The following SFXN3 variants were observed in gnomAD, a reference collection of about 807,000 sequenced individuals.
SFXN3 encodes sideroflexin-3.
SFXN3 carries 31 observed loss-of-function variants against 40.4 expected under a neutral mutation model. The ratio of observed to expected loss-of-function variants is 0.77; its 90% CI spans 0.58 to 1.04. The LOEUF (loss-of-function observed/expected upper bound fraction) is 1.04, where lower values mean the gene tolerates loss of function less well. SFXN3 is among the 50% of genes least tolerant of loss of function. SFXN3 has a pLI of 0.00. For missense variants in SFXN3, 366 were observed against 408.2 expected (o/e 0.90, Z 0.89); for synonymous variants, 157 against 160.0 (o/e 0.98, Z 0.14).
intron 3 of SFXN3, 68 bp downstream of exon 3, chr10:101,034,923 G>C (rs1214496808): frequency 1.2e-5 from 18 of 1,552,324 alleles, no homozygotes; most frequent in Non-Finnish European, 1.5e-5. Context: ...AATATGTTTT[G>C]TACCTGCCTC....
chr10:101,036,402 T>C lies in SFXN3; in HGVS notation c.432-84T>C. On this transcript the variant is annotated intron_variant, in intron 5 of 11. Coordinates refer to ENST00000393459, the Ensembl canonical transcript of SFXN3. This position sits in a 1 kb window ranked among gnomAD's most constrained non-coding sequence, Gnocchi z 4.2. ...AGCTTCCCCTTTTATGCCTCATGTA[T>C]TGAGGACTTGGCATATCCCTAAAGG... 1.5e-6 allele frequency: 2 copies of C among 1,298,892 alleles called. No individual in the cohort carries two copies. Among genetic ancestry groups the C allele is most frequent in the African/African-American group, 1.5e-5 (1 of 68,658 alleles). 80.5% of individuals were successfully genotyped at this position (1,298,892 alleles called of 1,614,324 possible).
Position 101,036,385 on chromosome 10 carries a change from C to T in SFXN3, c.432-101C>T. On this transcript the variant is annotated intron_variant, in intron 5 of 11. Transcript: ENST00000393459. The surrounding 1 kb of genome is among the most constrained non-coding windows in gnomAD (Gnocchi z 4.2). ...AGGCTTCTTCTGCAAGGAGCTTCCC[C>T]TTTTATGCCTCATGTATTGAGGACT... is the stretch of plus-strand genomic sequence containing the variant. The T allele has an allele frequency of 8.6e-7, 1 of 1,157,768 alleles. No individual in the cohort carries two copies. The highest frequency in any genetic ancestry group is 2.5e-5 in the East Asian group (1 of 40,680). The allele number at this position is 1,157,768 out of a possible 1,614,324, so 71.7% of individuals were successfully genotyped here.
At chr10:101,034,955 G>A in intron 3 of SFXN3, 100 bp downstream of exon 3, 1 of 1,440,946 alleles carries the variant, frequency 6.9e-7, no homozygotes, top group Non-Finnish European at 9.4e-7. Context: ...CAGTGACCCT[G>A]TCCCTCAATC....
chr10:101,037,839 C>T (rs1938695923), intron 9 of SFXN3: 6 of 1,081,534 alleles, frequency 5.5e-6, no homozygotes, highest in Non-Finnish European at 6.7e-6. Flanking sequence ...GGCTCATTCA[C>T]AGAATCATTT....
chr10:101,037,619 G>C (rs1469564817), intron 9 of SFXN3, 188 bp downstream of exon 9: 3 of 1,462,332 alleles, frequency 2.1e-6, no homozygotes, highest in African/African-American at 2.8e-5. Flanking sequence ...GAACTCTGCA[G>C]GGGCAGGAGG....
chr10:101,037,626 G>A (rs1938686660), intron 9 of SFXN3, 195 bp downstream of exon 9: 2 of 1,455,858 alleles, frequency 1.4e-6, no homozygotes, highest in Non-Finnish European at 1.8e-6. Flanking sequence ...GCAGGGGCAG[G>A]AGGAGAGGAC....
At position 101,039,353 on chromosome 10, in the gene SFXN3, G is replaced by A; in HGVS notation, c.869+131G>A. The A allele has an allele frequency of 8.4e-7, 1 of 1,185,410 alleles. No individual in the cohort carries two copies. The highest frequency in any genetic ancestry group is 1.2e-6 in the Non-Finnish European group (1 of 802,142). The allele number at this position is 1,185,410 out of a possible 1,614,324, so 73.4% of individuals were successfully genotyped here. On this transcript the variant is annotated intron_variant, in intron 11 of 11. Transcript: ENST00000393459. This position sits in a 1 kb window ranked among gnomAD's most constrained non-coding sequence, Gnocchi z 4.6. ...CACTCCACTGATTCTGGGAGTGGGGGAATGACAGTGAGCCAGTCCTTCTGG... is the reference window on the plus strand; with the variant it reads ...CACTCCACTGATTCTGGGAGTGGGGAAATGACAGTGAGCCAGTCCTTCTGG...
intron 2 of SFXN3, among the ~76,000 whole-genome samples, chr10:101,033,204 T>C (rs964407291): frequency 3.7e-4 from 57 of 152,274 alleles, no homozygotes; most frequent in African/African-American, 1.3e-3. Context: ...GGATGTCTTG[T>C]GCCATTTTCC....
chr10:101,039,793 AC>A lies in SFXN3; in HGVS notation c.*212del, dbSNP rs1938812346. 5.1e-6 allele frequency: 3 copies of A among 593,782 alleles called. No individual in the cohort carries two copies. Among genetic ancestry groups the A allele is most frequent in the Non-Finnish European group, 9.1e-6 (3 of 331,090 alleles). 36.8% of individuals were successfully genotyped at this position (593,782 alleles called of 1,614,324 possible). ...CTGGTTTCAAAGATCAGAGCACATA[AC>A]CCCTCCTGTGCTTGAGTGTCCATGC... On this transcript the variant is annotated 3_prime_UTR_variant, in exon 12 of 12. Transcript: ENST00000393459. The surrounding 1 kb of genome is among the most constrained non-coding windows in gnomAD (Gnocchi z 4.6).
Position 101,037,077 on chromosome 10 carries a change from G to T in SFXN3, c.595G>T (p.Glu199Ter). ...GACCCCAACCCCCCTCCCTTGCAGA[G>T]AGCTGCAGGTGGGCATCCCGGTGGC... Residue 199 changes from glutamate (E) to a stop codon, truncating the protein, a stop_gained and splice_region_variant, in exon 8 of 12, where the codon GAG (glutamate) becomes TAG (stop). Coordinates refer to ENST00000393459, the Ensembl canonical transcript of SFXN3. LOFTEE classifies it high-confidence loss of function. 5 of 1,613,810 alleles carry T rather than the reference G, an allele frequency of 3.1e-6. No individual in the cohort carries two copies. The highest frequency in any genetic ancestry group is 3.4e-6 in the Non-Finnish European group (4 of 1,180,026).
At chr10:101,035,456 C>G (rs1316639794) in intron 3 of SFXN3, 41 bp from the exon 4 acceptor site, 1 of 1,563,908 alleles carries the variant, frequency 6.4e-7, no homozygotes, top group African/African-American at 1.3e-5. Context: ...GGCAGATCTG[C>G]CCCCTGGCAT....
chr10:101,036,317 G>A lies in SFXN3; in HGVS notation c.432-169G>A, dbSNP rs1226154070. On this transcript the variant is annotated intron_variant, in intron 5 of 11. Transcript: ENST00000393459. This position sits in a 1 kb window ranked among gnomAD's most constrained non-coding sequence, Gnocchi z 4.2. ...GGGGACCCACCCCTCTTCACAGGGTGCTACTGGGGCTTCTAGACAAGTTTA... is the reference window on the plus strand; with the variant it reads ...GGGGACCCACCCCTCTTCACAGGGTACTACTGGGGCTTCTAGACAAGTTTA... Among the ~76,000 whole-genome samples the A allele has an allele frequency of 1.3e-5, 2 of 152,236 alleles. No homozygotes were observed. The highest frequency in any genetic ancestry group is 4.8e-5 in the African/African-American group (2 of 41,462).
At chr10:101,033,776 GAGA>G (rs1297818533) in intron 2 of SFXN3, among the ~76,000 whole-genome samples, 2 of 152,120 alleles carry the variant, frequency 1.3e-5, no homozygotes, top group African/African-American at 2.4e-5. Context: ...TGATAATAAG[GAGA>G]AGGTCAGCAA....
At position 101,038,257 on chromosome 10, in the gene SFXN3, G is replaced by A. The variant is rs149974972; in HGVS notation, c.772-386G>A. ...GCCAGAGCAAATTGAGAAGAGTGCC[G>A]AGGAAGAGATGTGCTTGGAAAGGGT... is the stretch of plus-strand genomic sequence containing the variant. On this transcript the variant is annotated intron_variant, in intron 9 of 11. Coordinates refer to ENST00000393459, the Ensembl canonical transcript of SFXN3. 992 of 1,140,306 alleles carry A rather than the reference G, an allele frequency of 8.7e-4. 9 individuals are homozygous for A. The African/African-American group carries it at 0.014, about 16-fold the overall frequency. The allele number at this position is 1,140,306 out of a possible 1,614,324, so 70.6% of individuals were successfully genotyped here. A position where few individuals can be genotyped will look rare whatever the true frequency, so the allele number is the denominator to read the frequency against.
In SFXN3 at chr10:101,036,050, A is replaced by G. The variant is rs745972943; in HGVS notation, c.380A>G (p.Asn127Ser). The change falls in exon 5 of 12, where the codon AAT (asparagine) becomes AGT (serine). Residue 127 changes from asparagine (N) to serine (S), a missense_variant. By Grantham distance (46) the Asn-to-Ser change is conservative. Transcript: ENST00000393459. The surrounding 1 kb of genome is among the most constrained non-coding windows in gnomAD (Gnocchi z 4.2). ...TGGCAGTGGGTGAATCAGTCCTTCA[A>G]TGCCATTGTTAACTACTCCAACCGC... is the stretch of plus-strand genomic sequence containing the variant. 1.9e-6 allele frequency: 3 copies of G among 1,614,036 alleles called. No individual in the cohort carries two copies. Among genetic ancestry groups the G allele is most frequent in the East Asian group, 4.5e-5 (2 of 44,886 alleles).
In SFXN3 at chr10:101,036,217, G is replaced by C. The variant is rs1044127374; in HGVS notation, c.431+116G>C. 1.1e-6 allele frequency: 1 copy of C among 914,938 alleles called. No individual in the cohort carries two copies. The highest frequency in any genetic ancestry group is 1.5e-5 in the South Asian group (1 of 66,916). The allele number at this position is 914,938 out of a possible 1,614,324, so 56.7% of individuals were successfully genotyped here. On this transcript the variant is annotated intron_variant, in intron 5 of 11. Transcript: ENST00000393459. This position sits in a 1 kb window ranked among gnomAD's most constrained non-coding sequence, Gnocchi z 4.2. ...GTGGACCATGCAGCCAGTGCTCAGC[G>C]CCCTCTCCTCAGCCTGCCCCACCCC...
In SFXN3 at chr10:101,038,833, G is replaced by T. The variant is rs913231064; in HGVS notation, c.821+141G>T. On this transcript the variant is annotated intron_variant, in intron 10 of 11. Coordinates refer to ENST00000393459, the Ensembl canonical transcript of SFXN3. ...GGGTGTGTGTTTGGAACAACTATAGGGTCTACTTTGTGTGTTACGGGGTGG... is the reference window on the plus strand; with the variant it reads ...GGGTGTGTGTTTGGAACAACTATAGTGTCTACTTTGTGTGTTACGGGGTGG... 3.7e-6 allele frequency: 5 copies of T among 1,340,904 alleles called. No homozygotes were observed. In the African/African-American group the frequency reaches 4.3e-5, roughly 12 times the overall value. 83.1% of individuals were successfully genotyped at this position (1,340,904 alleles called of 1,614,324 possible).
At chr10:101,034,915 T>C (rs2134197350) in intron 3 of SFXN3, 60 bp downstream of exon 3, 1 of 1,575,422 alleles carries the variant, frequency 6.3e-7, no homozygotes, top group Non-Finnish European at 8.6e-7. Flanking sequence ...ATTAATATAA[T>C]ATGTTTTGTA....
At chr10:101,038,762 A>T (rs974599775) in intron 10 of SFXN3, 70 bp downstream of exon 10, 1 of 1,597,728 alleles carries the variant, frequency 6.3e-7, no homozygotes, top group Non-Finnish European at 8.5e-7. Context: ...GTGGGTATGG[A>T]TTGTCTTTAA....
Sources: allele counts gnomAD v4.1 joint callset (sites outside exome capture counted in the v4.1 genomes callset), GRCh38; gene constraint gnomAD v4.1.1; non-coding constraint Gnocchi (gnomAD v3.1); transcripts MANE v1.5; gene names NCBI Gene and HGNC (gene_info 2026-07-23, HGNC 2026-07-21).